The following HMGA2 variants were observed in gnomAD, a reference collection of about 807,000 sequenced individuals.
HMGA2 encodes the protein high mobility group protein HMGI-C.
Under a neutral mutation model 19.1 loss-of-function variants are expected in HMGA2, and 8 were observed. That is an observed-to-expected ratio of 0.42 (90% CI 0.25 to 0.76). The LOEUF is 0.76. Ranked by LOEUF, HMGA2 falls within the 30% of genes least tolerant of loss-of-function variation. The probability of loss-of-function intolerance (pLI) is 0.28; values close to 1 mark genes in which losing one functional copy is unlikely to be tolerated. For missense variants in HMGA2, 109 were observed against 136.3 expected, an observed-to-expected ratio of 0.80 and a Z score of 1.00; for synonymous variants, 60 against 48.8, an observed-to-expected ratio of 1.23 and a Z score of -0.96.
chr12:65,853,801 G>A (rs1196383822), intron 3 of HMGA2, among the ~76,000 whole-genome samples: 8 of 152,194 alleles, frequency 5.3e-5, no homozygotes, highest in East Asian at 3.9e-4. Flanking sequence ...TGCTTTTCCC[G>A]TCTCTCTCTG....
At chr12:65,880,927 G>A (rs1414241982) in intron 3 of HMGA2, among the ~76,000 whole-genome samples, 19 of 152,098 alleles carry the variant, frequency 1.2e-4, no homozygotes, top group Admixed American at 1.2e-3. Context: ...TGATATGACT[G>A]GCACGATTCT....
At chr12:65,952,907 T>C (rs1876504035) in intron 4 of HMGA2, 2 of 158,050 alleles carry the variant, frequency 1.3e-5, no homozygotes, top group South Asian at 3.8e-4. Flanking sequence ...ATCTGAGAAA[T>C]GTATTTATAT....
chr12:65,881,975 A>G (rs1873430442), intron 3 of HMGA2: 1 of 697,892 alleles, frequency 1.4e-6, no homozygotes, highest in Non-Finnish European at 2.6e-6. Context: ...TTGCAGCTGA[A>G]CGTCTCCATC....
intron 3 of HMGA2, among the ~76,000 whole-genome samples, chr12:65,890,623 C>A (rs1873861595): frequency 6.6e-6 from 1 of 152,128 alleles, no homozygotes; most frequent in Non-Finnish European, 1.5e-5. Context: ...AACCCCCATG[C>A]ACACGTACTC....
At chr12:65,865,884 T>C (rs343088) in intron 3 of HMGA2, among the ~76,000 whole-genome samples, 140,859 of 151,716 alleles carry the variant, frequency 0.93, 65,445 homozygotes, top group African/African-American at 0.94. Context: ...CCTCGTGATC[T>C]GCCCATCTTG....
At chr12:65,917,447 A>G (rs748504834) in intron 3 of HMGA2, among the ~76,000 whole-genome samples, 3 of 152,316 alleles carry the variant, frequency 2.0e-5, no homozygotes, top group South Asian at 2.1e-4. Flanking sequence ...TGTTTCCTCC[A>G]TGCTCTCTAG....
At chr12:65,845,427 C>A (rs940073234) in intron 3 of HMGA2, among the ~76,000 whole-genome samples, 7 of 152,040 alleles carry the variant, frequency 4.6e-5, no homozygotes, top group African/African-American at 1.7e-4. Flanking sequence ...CGCCACCATG[C>A]CTGGCTAATT....
chr12:65,962,350 C>T (rs577066357), intron 4 of HMGA2, among the ~76,000 whole-genome samples: 1 of 152,114 alleles, frequency 6.6e-6, no homozygotes, highest in South Asian at 2.1e-4. Flanking sequence ...AATTCCAGAG[C>T]CATAAGGAAT....
At chr12:65,902,671 A>T (rs1414593759) in intron 3 of HMGA2, among the ~76,000 whole-genome samples, 1 of 152,226 alleles carries the variant, frequency 6.6e-6, no homozygotes, top group African/African-American at 2.4e-5. Context: ...AGCTGCCCAG[A>T]AATGAGGAAA....
intron 4 of HMGA2, 84 bp downstream of exon 4, chr12:65,951,499 A>G (rs1251152156): frequency 1.1e-6 from 1 of 871,198 alleles, no homozygotes; most frequent in African/African-American, 1.7e-5. Flanking sequence ...ACTAAACCTT[A>G]TTTCGCATTT....
At chr12:65,841,842 T>C (rs1418010299) in intron 3 of HMGA2, among the ~76,000 whole-genome samples, 1 of 152,188 alleles carries the variant, frequency 6.6e-6, no homozygotes, top group African/African-American at 2.4e-5. Context: ...TCTGATGTAA[T>C]TGGGATCCAT....
Position 65,824,947 on chromosome 12 carries a change from C to A in HMGA2, c.-324C>A. 2.8e-6 allele frequency: 1 copy of A among 361,696 alleles called. No individual in the cohort carries two copies. The highest frequency in any genetic ancestry group is 4.5e-5 in the South Asian group (1 of 22,170). 22.4% of individuals were successfully genotyped at this position (361,696 alleles called of 1,614,324 possible). A position where few individuals can be genotyped will look rare whatever the true frequency, so the allele number is the denominator to read the frequency against. ...ACCTCAAAGCCTCTCTTCCTTCTCC[C>A]TCGCTTCCCTCCTCCTCTTGCTACC... On this transcript the variant is annotated 5_prime_UTR_variant, in exon 1 of 5. Transcript: ENST00000403681.
At chr12:65,875,976 G>C (rs1873000462) in intron 3 of HMGA2, among the ~76,000 whole-genome samples, 1 of 152,094 alleles carries the variant, frequency 6.6e-6, no homozygotes, top group Admixed American at 6.5e-5. Flanking sequence ...TTGGAGGAAA[G>C]AAATGAAACT....
chr12:65,893,423 C>A (rs560838857), intron 3 of HMGA2, among the ~76,000 whole-genome samples: 1 of 152,318 alleles, frequency 6.6e-6, no homozygotes, highest in South Asian at 2.1e-4. Context: ...AAGTGGTTTT[C>A]TTTTTCTTCC....
intron 3 of HMGA2, among the ~76,000 whole-genome samples, chr12:65,920,886 G>A (rs59765203): frequency 0.013 from 1,953 of 152,310 alleles, 36 homozygotes; most frequent in African/African-American, 0.045. Flanking sequence ...ATGTGGAAGC[G>A]ACTTTGGAAC....
chr12:65,938,193 A>G (rs1024793049), intron 3 of HMGA2, among the ~76,000 whole-genome samples: 3 of 152,228 alleles, frequency 2.0e-5, no homozygotes, highest in Non-Finnish European at 4.4e-5. Context: ...TAGACTGAGA[A>G]TAAATGTCAA....
At chr12:65,866,699 G>T (rs1038383900) in intron 3 of HMGA2, 1 of 415,256 alleles carries the variant, frequency 2.4e-6, no homozygotes, top group South Asian at 1.8e-5. Context: ...ACCTTAGCCC[G>T]CTTCTCATTC....
At chr12:65,900,713 G>A (rs780501835) in intron 3 of HMGA2, among the ~76,000 whole-genome samples, 23 of 152,134 alleles carry the variant, frequency 1.5e-4, no homozygotes, top group African/African-American at 4.6e-4. Context: ...TAGTACAAGC[G>A]CTGGTAATTA....
At chr12:65,932,231 T>C (rs1193548409) in intron 3 of HMGA2, among the ~76,000 whole-genome samples, 1 of 152,248 alleles carries the variant, frequency 6.6e-6, no homozygotes, top group Non-Finnish European at 1.5e-5. Flanking sequence ...AGTTGAGTTA[T>C]TGCCTTCAAA....
Sources: gnomAD v4.1 joint callset for allele counts (sites outside exome capture counted in the v4.1 genomes callset) on GRCh38, gnomAD v4.1.1 for gene constraint, MANE v1.5 for transcripts, NCBI Gene and HGNC (gene_info 2026-07-23, HGNC 2026-07-21) for gene names.